The following VPS13D variants were observed in gnomAD, a reference collection of about 807,000 sequenced individuals.
VPS13D encodes intermembrane lipid transfer protein VPS13D.
In VPS13D, 187 loss-of-function variants were observed where a neutral mutation model predicts 461.9. That is an observed-to-expected ratio of 0.40 (90% CI 0.36 to 0.46). The LOEUF (loss-of-function observed/expected upper bound fraction) is 0.46. Ranked by LOEUF, VPS13D falls within the 20% of genes least tolerant of loss-of-function variation. VPS13D has a pLI of 0.60. For synonymous variants in VPS13D, 1,951 were observed against 1,986.3 expected, an observed-to-expected ratio of 0.98 and a Z score of 0.47; for missense variants, 4,711 against 5,364.9, an observed-to-expected ratio of 0.88 and a Z score of 3.81.
intron 2 of VPS13D, among the ~76,000 whole-genome samples, chr1:12,236,679 G>A (rs772492173): frequency 5.3e-5 from 8 of 152,090 alleles, no homozygotes; most frequent in Non-Finnish European, 1.0e-4. Context: ...CACTGCACCC[G>A]GCCGAGAATG....
chr1:12,323,749 T>C lies in VPS13D; in HGVS notation c.7959T>C (p.Asp2653=), dbSNP rs1419716857. 2 of 1,614,072 alleles carry C rather than the reference T, an allele frequency of 1.2e-6. No individual in the cohort carries two copies. Among genetic ancestry groups the C allele is most frequent in the South Asian group, 2.2e-5 (2 of 91,088 alleles). ...ARLQELGFSM[D]DCRKALLACQ... is the part of the protein sequence containing the mutation. ...TGCAGGAGCTGGGATTCAGCATGGA[T>C]GATTGTCGCAAAGCTCTTTTGGCGT... The change falls in exon 35 of 70, where the codon GAT becomes GAC. Residue 2653 remains aspartate, a synonymous_variant. Transcript: ENST00000620676.
intron 35 of VPS13D, among the ~76,000 whole-genome samples, chr1:12,326,995 T>C (rs570542139): frequency 6.6e-6 from 1 of 152,180 alleles, no homozygotes; most frequent in South Asian, 2.1e-4. Flanking sequence ...GTAATTAATA[T>C]GATAATAGCA....
At chr1:12,309,719 G>A (rs1642678688) in intron 27 of VPS13D, among the ~76,000 whole-genome samples, 1 of 147,770 alleles carries the variant, frequency 6.8e-6, no homozygotes, top group Admixed American at 6.8e-5. Context: ...CCTAGATTGA[G>A]CCGCTGCACT....
At chr1:12,317,116 A>G (rs1454463507) in intron 30 of VPS13D, among the ~76,000 whole-genome samples, 2 of 150,668 alleles carry the variant, frequency 1.3e-5, no homozygotes, top group Non-Finnish European at 2.9e-5. Flanking sequence ...AGTTTCAATT[A>G]GAGAAACAAT....
intron 67 of VPS13D, among the ~76,000 whole-genome samples, chr1:12,482,774 TGTATACATA>T (rs1645740165): frequency 6.7e-6 from 1 of 149,786 alleles, no homozygotes; most frequent in African/African-American, 2.5e-5. Context: ...TATACATATA[TGTATACATA>T]GTATACATAT....
At chr1:12,456,223 G>T in intron 66 of VPS13D, 93 bp downstream of exon 66, 2 of 1,482,104 alleles carry the variant, frequency 1.3e-6, no homozygotes, top group Non-Finnish European at 1.8e-6. Context: ...AGAAAGGTGG[G>T]CTGGGCGCGG....
chr1:12,293,344 C>G (rs1382126821), intron 23 of VPS13D, among the ~76,000 whole-genome samples, 180 bp from the exon 24 acceptor site: 1 of 152,152 alleles, frequency 6.6e-6, no homozygotes, highest in African/African-American at 2.4e-5. Context: ...CACCTTTATC[C>G]CATCACAGAA....
At chr1:12,296,586 T>C (rs1306152968) in intron 24 of VPS13D, among the ~76,000 whole-genome samples, 1 of 152,226 alleles carries the variant, frequency 6.6e-6, no homozygotes, top group African/African-American at 2.4e-5. Flanking sequence ...TTCCTATTTT[T>C]AACATTTAAA....
chr1:12,274,897 A>G (rs1641561498), intron 18 of VPS13D, among the ~76,000 whole-genome samples: 1 of 152,126 alleles, frequency 6.6e-6, no homozygotes, highest in Non-Finnish European at 1.5e-5. Context: ...CAGCCTGGCC[A>G]ACATGGTGAA....
At chr1:12,441,039 C>T (rs1351511620) in intron 65 of VPS13D, among the ~76,000 whole-genome samples, 3 of 151,968 alleles carry the variant, frequency 2.0e-5, no homozygotes, top group Non-Finnish European at 4.4e-5. Flanking sequence ...GACTCTCCTG[C>T]CTCAGCCTCC....
chr1:12,383,257 T>C (rs1173632962), intron 58 of VPS13D, 102 bp downstream of exon 58: 2 of 1,218,102 alleles, frequency 1.6e-6, no homozygotes, highest in East Asian at 5.1e-5. Context: ...ATGCCAGATA[T>C]GAAGATATGG....
chr1:12,493,095 A>G (rs926866386), intron 67 of VPS13D, among the ~76,000 whole-genome samples: 1 of 149,688 alleles, frequency 6.7e-6, no homozygotes, highest in African/African-American at 2.5e-5. Flanking sequence ...GCTTTCACAG[A>G]TGTTTATTTC....
intron 9 of VPS13D, among the ~76,000 whole-genome samples, chr1:12,257,699 A>G (rs1640963656): frequency 6.6e-6 from 1 of 152,216 alleles, no homozygotes. Flanking sequence ...ATTCAAACCA[A>G]TTGAGAACTG....
chr1:12,358,394 T>A, intron 49 of VPS13D, 65 bp from the exon 50 acceptor site: 1 of 1,588,824 alleles, frequency 6.3e-7, no homozygotes, highest in South Asian at 1.2e-5. Context: ...TGTTTCCCAA[T>A]TAGAACAGGC....
intron 60 of VPS13D, among the ~76,000 whole-genome samples, chr1:12,399,303 TCTC>T (rs1413008793): frequency 1.3e-5 from 2 of 151,592 alleles, no homozygotes; most frequent in Non-Finnish European, 2.9e-5. Flanking sequence ...TTCAAGTGAT[TCTC>T]CTGCCTCAGC....
chr1:12,356,586 A>G, intron 49 of VPS13D, 62 bp downstream of exon 49: 1 of 1,572,190 alleles, frequency 6.4e-7, no homozygotes, highest in Non-Finnish European at 8.6e-7. Flanking sequence ...AAATTAGTAA[A>G]GGCTATAATA....
chr1:12,270,975 T>A lies in VPS13D; in HGVS notation c.1973-19T>A, dbSNP rs1187875514. 6.2e-7 allele frequency: 1 copy of A among 1,612,576 alleles called. No homozygotes were observed. The highest frequency in any genetic ancestry group is 8.5e-7 in the Non-Finnish European group (1 of 1,178,924). On this transcript the variant is annotated intron_variant, in intron 16 of 69. Transcript: ENST00000620676. ...CCGTGTGAAAATTCTGACTCTGCTG[T>A]GTATTTCCAACCTTGCAGGTTTTGG... is the stretch of plus-strand genomic sequence containing the variant.
chr1:12,444,852 T>C (rs954952549), intron 65 of VPS13D, among the ~76,000 whole-genome samples: 5 of 152,234 alleles, frequency 3.3e-5, no homozygotes, highest in African/African-American at 4.8e-5. Flanking sequence ...ATTTTAGAGG[T>C]TCTGGCCAAT....
intron 23 of VPS13D, among the ~76,000 whole-genome samples, chr1:12,293,061 C>T (rs1049539704): frequency 6.6e-6 from 1 of 152,220 alleles, no homozygotes; most frequent in African/African-American, 2.4e-5. Context: ...GATTCCAGAA[C>T]TCTTTGACTT....
Sources: allele counts gnomAD v4.1 joint callset (sites outside exome capture counted in the v4.1 genomes callset), GRCh38; gene constraint gnomAD v4.1.1; transcripts MANE v1.5; gene names NCBI Gene and HGNC (gene_info 2026-07-23, HGNC 2026-07-21).